ZNF521: variants seen among roughly 807,000 people sequenced by gnomAD.
ZNF521 encodes zinc finger protein 521.
ZNF521 carries 14 observed loss-of-function variants against 105.5 expected under a neutral mutation model. That is an observed-to-expected ratio of 0.13 (90% CI 0.09 to 0.21). ZNF521 has a LOEUF of 0.21. ZNF521 is among the 10% of genes least tolerant of loss of function. ZNF521 has a pLI of 1.00. For missense variants in ZNF521, 1,233 were observed against 1,629.7 expected (o/e 0.76, Z 4.19); for synonymous variants, 635 against 606.0 (o/e 1.05, Z -0.70).
At chr18:25,148,288 A>G (rs2034983186) in intron 5 of ZNF521, among the ~76,000 whole-genome samples, 1 of 152,216 alleles carries the variant, frequency 6.6e-6, no homozygotes, top group African/African-American at 2.4e-5. Context: ...TATTTATGCC[A>G]TTCTTAGTTA....
intron 4 of ZNF521, among the ~76,000 whole-genome samples, chr18:25,223,299 C>A (rs1343463963): frequency 6.6e-6 from 1 of 152,198 alleles, no homozygotes; most frequent in African/African-American, 2.4e-5. Context: ...TTGCCTGCCA[C>A]ACAGATGCCA....
intron 5 of ZNF521, among the ~76,000 whole-genome samples, chr18:25,160,553 CTCAT>C (rs1358906716): frequency 6.6e-6 from 1 of 152,188 alleles, no homozygotes; most frequent in Non-Finnish European, 1.5e-5. Flanking sequence ...CACATCACCA[CTCAT>C]TCAGATGAAT....
In ZNF521 at chr18:25,093,648, A is replaced by C. The variant is rs189445254; in HGVS notation, c.3659-1567T>G. 1.5e-3 allele frequency among the ~76,000 whole-genome samples: 226 copies of C among 152,298 alleles called. 1 individual carries two copies. The highest frequency in any genetic ancestry group is 2.4e-3 in the Non-Finnish European group (163 of 68,024). The stretch of plus-strand genomic sequence containing the variant: ...ATTGGAATTTGTAAAAAGAGAAGCA[A>C]AGCACTAATTAAGCCACCCAGTACT... On this transcript the variant is annotated intron_variant, in intron 5 of 7. Transcript: ENST00000361524.
chr18:25,301,539 C>T (rs867807572), intron 3 of ZNF521, among the ~76,000 whole-genome samples: 6 of 152,200 alleles, frequency 3.9e-5, no homozygotes, highest in South Asian at 2.1e-4. Context: ...AACAATTGTT[C>T]TGAGAGCCTC....
intron 7 of ZNF521, 51 bp from the exon 8 acceptor site, chr18:25,062,792 AG>A: frequency 7.2e-7 from 1 of 1,385,150 alleles, no homozygotes; most frequent in Non-Finnish European, 9.6e-7. Context: ...AAAAGAGAAG[AG>A]AGGGAAAACA....
chr18:25,213,975 G>A (rs1011943925), intron 4 of ZNF521, among the ~76,000 whole-genome samples: 1 of 151,560 alleles, frequency 6.6e-6, no homozygotes, highest in African/African-American at 2.4e-5. Flanking sequence ...AATTTTAATT[G>A]GGAAATAACT....
Position 25,227,552 on chromosome 18 carries a change from G to A in ZNF521, c.366C>T (p.Phe122=), listed in dbSNP as rs1001977609. ...TGAGGCGGCTAAACGACTTGTCACAGAATTGACACGGGTATGGAAGCCCAG... is the reference window on the plus strand; with the variant it reads ...TGAGGCGGCTAAACGACTTGTCACAAAATTGACACGGGTATGGAAGCCCAG... ...GGPGLPYPCQ[F]CDKSFSRLSY... Residue 122 remains phenylalanine, a synonymous_variant, in exon 4 of 8, where the codon TTC becomes TTT. Transcript: ENST00000361524. This position sits in a 1 kb window ranked among gnomAD's most constrained non-coding sequence, Gnocchi z 5.7. 8.7e-6 allele frequency: 14 copies of A among 1,614,040 alleles called. No individual in the cohort carries two copies. Among genetic ancestry groups the A allele is most frequent in the Non-Finnish European group, 1.2e-5 (14 of 1,180,032 alleles).
intron 5 of ZNF521, among the ~76,000 whole-genome samples, chr18:25,154,771 TA>T: frequency 6.6e-6 from 1 of 152,266 alleles, no homozygotes; most frequent in South Asian, 2.1e-4. Flanking sequence ...ACCTTCTCTT[TA>T]AAAATAAGAT....
At chr18:25,278,980 C>T (rs1344025110) in intron 3 of ZNF521, among the ~76,000 whole-genome samples, 1 of 152,102 alleles carries the variant, frequency 6.6e-6, no homozygotes, top group East Asian at 1.9e-4. Context: ...AAAAACTGCC[C>T]AAATTGTGGA....
At position 25,075,049 on chromosome 18, in the gene ZNF521, A is replaced by C. The variant is rs146412467; in HGVS notation, c.3907-12308T>G. Among the ~76,000 whole-genome samples the C allele has an allele frequency of 7.6e-3, 1,154 of 152,312 alleles. 5 individuals are homozygous for C. The highest frequency in any genetic ancestry group is 0.011 in the Non-Finnish European group (776 of 68,022). ...AAAGAAAGACAGTCCTGACTAACAG[A>C]GGGCCAGGCGGCAGGCATGGTGCAA... On this transcript the variant is annotated intron_variant, in intron 7 of 7. Coordinates refer to ENST00000361524, the MANE Select transcript of ZNF521 (RefSeq NM_015461.3).
intron 4 of ZNF521, among the ~76,000 whole-genome samples, chr18:25,211,986 C>A (rs1357056459): frequency 6.6e-6 from 1 of 152,158 alleles, no homozygotes; most frequent in Non-Finnish European, 1.5e-5. Flanking sequence ...CTATTCTACA[C>A]TGAATTTTAT....
At chr18:25,237,791 T>C (rs1907017139) in intron 3 of ZNF521, among the ~76,000 whole-genome samples, 1 of 152,202 alleles carries the variant, frequency 6.6e-6, no homozygotes, top group Non-Finnish European at 1.5e-5. Flanking sequence ...AGATGGCCTG[T>C]TGTTTGGCAT....
chr18:25,174,235 C>T (rs1329238801), intron 5 of ZNF521, among the ~76,000 whole-genome samples: 1 of 152,170 alleles, frequency 6.6e-6, no homozygotes, highest in Non-Finnish European at 1.5e-5. Flanking sequence ...GGGATGAACA[C>T]TTCTCCGTGA....
intron 2 of ZNF521, among the ~76,000 whole-genome samples, chr18:25,340,893 A>G (rs1335876700): frequency 6.6e-6 from 1 of 152,202 alleles, no homozygotes; most frequent in African/African-American, 2.4e-5. Context: ...GCTACCTTTA[A>G]CAGGAGCTAT....
At chr18:25,336,831 T>C (rs1913916874) in intron 2 of ZNF521, among the ~76,000 whole-genome samples, 1 of 152,220 alleles carries the variant, frequency 6.6e-6, no homozygotes, top group Non-Finnish European at 1.5e-5. Context: ...CTATGGTGTG[T>C]ACAAAAGTGA....
chr18:25,075,776 G>A (rs1295087526), intron 7 of ZNF521, among the ~76,000 whole-genome samples: 5 of 152,136 alleles, frequency 3.3e-5, no homozygotes, highest in African/African-American at 9.7e-5. Context: ...ATCCACGCAC[G>A]GCGCAGGAGA....
intron 7 of ZNF521, among the ~76,000 whole-genome samples, chr18:25,088,682 A>C (rs1325356731): frequency 6.6e-6 from 1 of 152,086 alleles, no homozygotes; most frequent in Non-Finnish European, 1.5e-5. Flanking sequence ...TTTCCTTTAT[A>C]ATACATGATA....
At position 25,245,470 on chromosome 18, in the gene ZNF521, G is replaced by A. The variant is rs1365968663; in HGVS notation, c.221-17773C>T. On this transcript the variant is annotated intron_variant, in intron 3 of 7. Transcript: ENST00000361524. Reference sequence around the variant, plus strand: ...ATGCTTTTTAGTCTAAGCTTCATGCGTTCACTTTGCAGCTAGGTGGATGAT... The same window carrying A: ...ATGCTTTTTAGTCTAAGCTTCATGCATTCACTTTGCAGCTAGGTGGATGAT... 2.6e-5 allele frequency among the ~76,000 whole-genome samples: 4 copies of A among 152,128 alleles called. No homozygotes were observed. The South Asian group carries it at 8.3e-4, about 32-fold the overall frequency.
At chr18:25,294,886 C>T (rs935792062) in intron 3 of ZNF521, among the ~76,000 whole-genome samples, 3 of 130,680 alleles carry the variant, frequency 2.3e-5, no homozygotes, top group Admixed American at 7.8e-5. Flanking sequence ...AAAAAAGGAG[C>T]AGGTTTGGGC....
Sources: gnomAD v4.1 joint callset for allele counts (sites outside exome capture counted in the v4.1 genomes callset) on GRCh38, gnomAD v4.1.1 for gene constraint, Gnocchi (gnomAD v3.1) non-coding constraint, MANE v1.5 for transcripts, NCBI Gene and HGNC (gene_info 2026-07-23, HGNC 2026-07-21) for gene names.